The following SPATA17 variants were observed in gnomAD, a reference collection of about 807,000 sequenced individuals.
The protein encoded by SPATA17 is spermatogenesis associated 17.
SPATA17 carries 53 observed loss-of-function variants against 62.2 expected under a neutral mutation model. That is an observed-to-expected ratio of 0.85 (90% CI 0.68 to 1.07). The LOEUF (loss-of-function observed/expected upper bound fraction) is 1.07, where lower values mean the gene tolerates loss of function less well. SPATA17 is among the 50% of genes least tolerant of loss of function. SPATA17 has a pLI of 0.00. For missense variants in SPATA17, 466 were observed against 425.5 expected (o/e 1.10, Z -0.84); for synonymous variants, 146 against 146.8 (o/e 0.99, Z 0.04).
At chr1:217,670,953 GAAAAAA>G (rs71661748) in intron 4 of SPATA17, among the ~76,000 whole-genome samples, 13 of 87,136 alleles carry the variant, frequency 1.5e-4, no homozygotes, top group African/African-American at 5.3e-4. Flanking sequence ...TCCGTCTCAG[GAAAAAA>G]AAAAAAAAAA....
At chr1:217,746,256 A>G (rs1034058445) in intron 6 of SPATA17, among the ~76,000 whole-genome samples, 5 of 152,034 alleles carry the variant, frequency 3.3e-5, no homozygotes, top group African/African-American at 1.2e-4. Context: ...GAATAATTTT[A>G]TAAAAAGTAT....
At chr1:217,847,079 G>C (rs935190290) in intron 9 of SPATA17, among the ~76,000 whole-genome samples, 1 of 152,006 alleles carries the variant, frequency 6.6e-6, no homozygotes, top group South Asian at 2.1e-4. Context: ...CCTAGATTGT[G>C]TGACTATGTC....
chr1:217,849,668 T>C (rs1192552321), intron 9 of SPATA17, among the ~76,000 whole-genome samples: 1 of 152,156 alleles, frequency 6.6e-6, no homozygotes, highest in East Asian at 1.9e-4. Context: ...TATAGTGTCA[T>C]ACTTTGTGCC....
At chr1:217,713,316 A>G (rs1671922321) in intron 5 of SPATA17, among the ~76,000 whole-genome samples, 1 of 152,102 alleles carries the variant, frequency 6.6e-6, no homozygotes, top group African/African-American at 2.4e-5. Flanking sequence ...GCCTCACACA[A>G]CTGGTGATCT....
At chr1:217,805,197 C>T (rs1674403061) in intron 9 of SPATA17, among the ~76,000 whole-genome samples, 1 of 152,140 alleles carries the variant, frequency 6.6e-6, no homozygotes. Context: ...TACTATTCAG[C>T]TTTTAAAAAG....
chr1:217,657,516 G>A (rs1670470423), intron 3 of SPATA17, among the ~76,000 whole-genome samples: 1 of 152,150 alleles, frequency 6.6e-6, no homozygotes, highest in Non-Finnish European at 1.5e-5. Flanking sequence ...GACATGAGTT[G>A]AGGATACTGT....
At chr1:217,725,283 C>T (rs936859258) in intron 5 of SPATA17, among the ~76,000 whole-genome samples, 13 of 152,150 alleles carry the variant, frequency 8.5e-5, no homozygotes, top group African/African-American at 2.9e-4. Context: ...TTCTTGTCAA[C>T]CTGTGCTGTC....
chr1:217,811,695 G>GAAA (rs34981943), intron 9 of SPATA17, among the ~76,000 whole-genome samples: 12 of 127,484 alleles, frequency 9.4e-5, no homozygotes, highest in Admixed American at 8.0e-5. Context: ...TCCACCTCGA[G>GAAA]AAAAAAAAAA....
At chr1:217,776,773 G>A (rs964588901) in intron 7 of SPATA17, among the ~76,000 whole-genome samples, 1 of 151,914 alleles carries the variant, frequency 6.6e-6, no homozygotes, top group Non-Finnish European at 1.5e-5. Flanking sequence ...GATCCTCTTG[G>A]TTGGTTCCCT....
intron 9 of SPATA17, among the ~76,000 whole-genome samples, chr1:217,843,701 C>CA (rs1041063584): frequency 6.6e-6 from 1 of 151,988 alleles, no homozygotes; most frequent in African/African-American, 2.4e-5. Flanking sequence ...CATTGTAGCG[C>CA]AAAAGCAGCC....
intron 9 of SPATA17, among the ~76,000 whole-genome samples, chr1:217,842,266 T>C (rs1234579572): frequency 6.6e-6 from 1 of 152,026 alleles, no homozygotes; most frequent in African/African-American, 2.4e-5. Context: ...GGTCTCTAGT[T>C]TTCCTTTCTT....
intron 8 of SPATA17, among the ~76,000 whole-genome samples, chr1:217,784,671 G>A (rs1268182212): frequency 6.6e-6 from 1 of 152,128 alleles, no homozygotes; most frequent in East Asian, 1.9e-4. Context: ...CTTAATAAAA[G>A]AGAATTATTA....
intron 9 of SPATA17, among the ~76,000 whole-genome samples, chr1:217,852,775 G>T (rs974315267): frequency 3.3e-5 from 5 of 152,122 alleles, no homozygotes; most frequent in East Asian, 1.9e-4. Flanking sequence ...GTGACAAATT[G>T]GTGGGTGTAA....
chr1:217,668,869 A>G (rs1361475467), intron 3 of SPATA17, among the ~76,000 whole-genome samples, 164 bp from the exon 4 acceptor site: 2 of 152,152 alleles, frequency 1.3e-5, no homozygotes, highest in Admixed American at 6.5e-5. Flanking sequence ...TGCATTATGT[A>G]TTAGGAAGCC....
intron 9 of SPATA17, among the ~76,000 whole-genome samples, chr1:217,818,449 G>T (rs1049086905): frequency 1.3e-5 from 2 of 152,040 alleles, no homozygotes; most frequent in East Asian, 3.9e-4. Flanking sequence ...ACGGTATATG[G>T]TATAGCCTAC....
intron 8 of SPATA17, among the ~76,000 whole-genome samples, chr1:217,795,362 C>CTTTTTTTT (rs71560537): frequency 1.4e-5 from 1 of 69,548 alleles, no homozygotes; most frequent in Non-Finnish European, 2.6e-5. Flanking sequence ...ACAAAAGTCT[C>CTTTTTTTT]TTTTTTTTTT....
Position 217,742,096 on chromosome 1 carries a change from C to T in SPATA17, c.517C>T (p.Gln173Ter). 2 of 1,613,952 alleles carry T rather than the reference C, an allele frequency of 1.2e-6. No individual in the cohort carries two copies. Among genetic ancestry groups the T allele is most frequent in the Non-Finnish European group, 1.7e-6 (2 of 1,179,900 alleles). The change falls in exon 6 of 11, where the codon CAG becomes TAG. Residue 173 changes from glutamine (Q) to a stop codon, truncating the protein, a stop_gained and splice_region_variant. Coordinates refer to ENST00000366933, the MANE Select transcript of SPATA17 (RefSeq NM_138796.4). LOFTEE classifies it high-confidence loss of function. Reference protein sequence around the residue: ...RKMHYLLSTKQIPGIYNSPFR... With the variant: ...RKMHYLLSTK ...GATGCATTACCTCCTCAGCACAAAG[C>T]AGGTTGGTTTACCTGTCCCTGACAG...
intron 5 of SPATA17, among the ~76,000 whole-genome samples, chr1:217,684,140 T>C (rs143411645): frequency 2.6e-5 from 4 of 152,302 alleles, no homozygotes; most frequent in African/African-American, 4.8e-5. Context: ...GGATAGGACA[T>C]AGATTTAGGA....
At chr1:217,666,257 C>T (rs150474611) in intron 3 of SPATA17, among the ~76,000 whole-genome samples, 13 of 151,994 alleles carry the variant, frequency 8.6e-5, no homozygotes, top group Middle Eastern at 3.4e-3. Context: ...ATTAACATTC[C>T]GTAGGTACAA....
Sources: gnomAD v4.1 joint callset for allele counts (sites outside exome capture counted in the v4.1 genomes callset) on GRCh38, gnomAD v4.1.1 for gene constraint, MANE v1.5 for transcripts, NCBI Gene and HGNC (gene_info 2026-07-23, HGNC 2026-07-21) for gene names.